SLC35F3: variants seen among roughly 807,000 people sequenced by gnomAD.
SLC35F3 encodes solute carrier family 35 member F3.
SLC35F3 carries 25 observed loss-of-function variants against 49.9 expected under a neutral mutation model. The observed-to-expected ratio is 0.50, with a 90% CI of 0.37 to 0.70. SLC35F3 has a LOEUF of 0.70. Ranked by LOEUF, SLC35F3 falls within the 30% of genes least tolerant of loss-of-function variation. The pLI, the probability that SLC35F3 is intolerant of heterozygous loss-of-function variation, is 0.00. For missense variants in SLC35F3, 525 were observed against 639.8 expected, an observed-to-expected ratio of 0.82 and a Z score of 1.94; for synonymous variants, 275 against 265.4, an observed-to-expected ratio of 1.04 and a Z score of -0.35.
intron 3 of SLC35F3, among the ~76,000 whole-genome samples, chr1:234,273,887 A>G (rs1321949998): frequency 6.6e-6 from 1 of 152,182 alleles, no homozygotes; most frequent in African/African-American, 2.4e-5. Flanking sequence ...GCAAAAGGTA[A>G]GACTGACCAG....
intron 2 of SLC35F3, among the ~76,000 whole-genome samples, chr1:234,113,929 T>A (rs1284072026): frequency 1.3e-5 from 2 of 152,224 alleles, no homozygotes. Context: ...GTGCAAAGAC[T>A]CGGATACAAG....
intron 2 of SLC35F3, among the ~76,000 whole-genome samples, chr1:234,099,452 A>G (rs1459874976): frequency 6.6e-6 from 1 of 152,090 alleles, no homozygotes; most frequent in Non-Finnish European, 1.5e-5. Flanking sequence ...TCTACTAAAA[A>G]TACAAAAATT....
At chr1:234,086,555 C>T (rs1250021467) in intron 2 of SLC35F3, among the ~76,000 whole-genome samples, 1 of 152,206 alleles carries the variant, frequency 6.6e-6, no homozygotes, top group African/African-American at 2.4e-5. Context: ...AATTTATGTG[C>T]ATTCAATCCT....
chr1:234,255,058 T>C (rs1667797368), intron 3 of SLC35F3, among the ~76,000 whole-genome samples: 1 of 152,226 alleles, frequency 6.6e-6, no homozygotes, highest in African/African-American at 2.4e-5. Context: ...GTGAAAGAGA[T>C]TGTTAAGAAC....
intron 2 of SLC35F3, among the ~76,000 whole-genome samples, chr1:234,189,773 T>C (rs914041414): frequency 4.6e-5 from 7 of 152,174 alleles, no homozygotes; most frequent in African/African-American, 7.2e-5. Flanking sequence ...GTTATCAAGT[T>C]ATCCAAAGTC....
intron 2 of SLC35F3, among the ~76,000 whole-genome samples, chr1:233,978,528 A>G (rs1388863609): frequency 6.6e-6 from 1 of 152,240 alleles, no homozygotes; most frequent in Non-Finnish European, 1.5e-5. Context: ...GACAATAAAC[A>G]GCTGAAGTCT....
At position 234,228,122 on chromosome 1, in the gene SLC35F3, T is replaced by C. The variant is rs901273531; in HGVS notation, c.284-3295T>C. 3.3e-5 allele frequency among the ~76,000 whole-genome samples: 5 copies of C among 152,304 alleles called. No individual in the cohort carries two copies. The East Asian group carries it at 5.8e-4, about 18-fold the overall frequency. ...AGTCCCTTCAGCAAACCTGGCAGTT[T>C]CTCCTGTGGCATGTCTAACCAAAGC... On this transcript the variant is annotated intron_variant, in intron 2 of 7. Transcript: ENST00000366618.
intron 2 of SLC35F3, among the ~76,000 whole-genome samples, chr1:234,077,005 T>G (rs1266409214): frequency 1.5e-4 from 22 of 147,394 alleles, no homozygotes; most frequent in Middle Eastern, 3.5e-3. Flanking sequence ...TTTGTTTTTT[T>G]TTTTTTTTTT....
chr1:233,940,422 C>T (rs1210983937), intron 2 of SLC35F3, among the ~76,000 whole-genome samples: 1 of 151,838 alleles, frequency 6.6e-6, no homozygotes, highest in African/African-American at 2.4e-5. Context: ...TGAAGTGGTT[C>T]TGCAGCACCT....
At chr1:233,927,262 T>G (rs1428358059) in intron 2 of SLC35F3, among the ~76,000 whole-genome samples, 1 of 152,216 alleles carries the variant, frequency 6.6e-6, no homozygotes, top group Non-Finnish European at 1.5e-5. Flanking sequence ...CTCCTTTGGG[T>G]AAATGTTAAA....
intron 3 of SLC35F3, among the ~76,000 whole-genome samples, chr1:234,277,227 G>T (rs947830391): frequency 5.9e-5 from 9 of 152,218 alleles, no homozygotes; most frequent in Non-Finnish European, 8.8e-5. Context: ...GGGGGTTGAG[G>T]GGGAGTGTCC....
chr1:233,950,304 T>A (rs1662582098), intron 2 of SLC35F3, among the ~76,000 whole-genome samples: 1 of 136,188 alleles, frequency 7.3e-6, no homozygotes, highest in Non-Finnish European at 1.5e-5. Context: ...GAGAATGACA[T>A]GGACCCATGA....
chr1:233,905,095 T>C lies in SLC35F3; in HGVS notation c.18T>C (p.Phe6=). ...CTTTGCCTATGGGGATTCGAGAGTT[T>C]CCCAGCGGCGCACCCAGGGGCAAGA... MGIRE[F]PSGAPRGKSI... is the part of the protein sequence containing the mutation. The change falls in exon 1 of 8, where the codon TTT becomes TTC. Residue 6 remains phenylalanine (F), a synonymous_variant. Coordinates refer to ENST00000366618, the MANE Select transcript of SLC35F3 (RefSeq NM_173508.4). 1 of 1,564,214 alleles carries C rather than the reference T, an allele frequency of 6.4e-7. No homozygotes were observed. The highest frequency in any genetic ancestry group is 2.3e-5 in the East Asian group (1 of 42,856).
intron 2 of SLC35F3, among the ~76,000 whole-genome samples, chr1:234,077,598 G>A (rs1440328399): frequency 6.6e-6 from 1 of 152,138 alleles, no homozygotes; most frequent in East Asian, 1.9e-4. Context: ...ATTTGGGTGG[G>A]GACATAAAGC....
intron 2 of SLC35F3, among the ~76,000 whole-genome samples, chr1:233,961,905 G>A (rs925790716): frequency 2.1e-4 from 32 of 152,304 alleles, no homozygotes; most frequent in South Asian, 2.1e-4. Flanking sequence ...TGGGCAACGT[G>A]GCAATGAAGT....
intron 2 of SLC35F3, among the ~76,000 whole-genome samples, chr1:233,932,561 T>C (rs1441696051): frequency 2.0e-5 from 3 of 152,194 alleles, no homozygotes; most frequent in Non-Finnish European, 4.4e-5. Flanking sequence ...TGGGTGGCAA[T>C]GTATGTGTAT....
chr1:234,233,454 G>T (rs1667415695), intron 3 of SLC35F3, among the ~76,000 whole-genome samples: 1 of 152,182 alleles, frequency 6.6e-6, no homozygotes, highest in Non-Finnish European at 1.5e-5. Flanking sequence ...GGTAACACTG[G>T]CTGTTGTCCC....
intron 2 of SLC35F3, among the ~76,000 whole-genome samples, chr1:233,955,498 C>T (rs552772342): frequency 1.2e-4 from 18 of 152,110 alleles, no homozygotes; most frequent in Non-Finnish European, 1.3e-4. Flanking sequence ...ACTTCGGTTG[C>T]TCCTATTTCT....
At chr1:234,075,360 G>A (rs558117626) in intron 2 of SLC35F3, among the ~76,000 whole-genome samples, 173 of 152,264 alleles carry the variant, frequency 1.1e-3, no homozygotes, top group Admixed American at 3.8e-3. Flanking sequence ...CAACGGAAGT[G>A]GTCTCCATCA....
Sources: gnomAD v4.1 joint callset for allele counts (sites outside exome capture counted in the v4.1 genomes callset) on GRCh38, gnomAD v4.1.1 for gene constraint, MANE v1.5 for transcripts, NCBI Gene and HGNC (gene_info 2026-07-23, HGNC 2026-07-21) for gene names.